Variants in ODAD2 observed in about 807,000 individuals in gnomAD.
The protein encoded by ODAD2 is outer dynein arm docking complex subunit 2, also known as outer dynein arm-docking complex subunit 2.
In ODAD2, 89 loss-of-function variants were observed where a neutral mutation model predicts 106.8. That is an observed-to-expected ratio of 0.83 (90% CI 0.70 to 0.99). ODAD2 has a LOEUF of 0.99. ODAD2 is among the 50% of genes least tolerant of loss of function. The pLI is 0.00. For synonymous variants in ODAD2, 404 were observed against 436.2 expected (o/e 0.93, Z 0.92); for missense variants, 1,168 against 1,238.5 (o/e 0.94, Z 0.85).
chr10:27,896,345 C>G (rs1251502320), intron 17 of ODAD2, among the ~76,000 whole-genome samples: 1 of 152,110 alleles, frequency 6.6e-6, no homozygotes, highest in East Asian at 1.9e-4. Context: ...AAATTCATAT[C>G]AAGGTATTAA....
At chr10:27,836,877 C>G (rs1837933299) in intron 19 of ODAD2, among the ~76,000 whole-genome samples, 2 of 152,084 alleles carry the variant, frequency 1.3e-5, no homozygotes, top group Admixed American at 1.3e-4. Context: ...ACACAGAGGA[C>G]TTATTTCATA....
chr10:27,814,136 A>T (rs1835946075), intron 19 of ODAD2, among the ~76,000 whole-genome samples: 1 of 152,150 alleles, frequency 6.6e-6, no homozygotes, highest in African/African-American at 2.4e-5. Flanking sequence ...AATGGAATTT[A>T]TTGGGCAAAA....
At chr10:27,949,188 G>C (rs1332957912) in intron 10 of ODAD2, among the ~76,000 whole-genome samples, 1 of 152,142 alleles carries the variant, frequency 6.6e-6, no homozygotes, top group Non-Finnish European at 1.5e-5. Flanking sequence ...TTCAACAAAT[G>C]TGTTGCATGC....
At chr10:27,993,130 G>A (rs926474822) in intron 2 of ODAD2, among the ~76,000 whole-genome samples, 1 of 152,044 alleles carries the variant, frequency 6.6e-6, no homozygotes, top group Non-Finnish European at 1.5e-5. Context: ...GGCCAGGCTG[G>A]TCTTGAACTC....
intron 17 of ODAD2, among the ~76,000 whole-genome samples, chr10:27,894,462 CTATGATATAAAGT>C (rs1336312252): frequency 5.3e-5 from 8 of 151,798 alleles, no homozygotes; most frequent in Admixed American, 6.6e-5. Flanking sequence ...ACTGATTAAC[CTATGATATAAAGT>C]TACTGATAAA....
intron 19 of ODAD2, among the ~76,000 whole-genome samples, chr10:27,828,701 A>G (rs1239083616): frequency 1.3e-5 from 2 of 152,256 alleles, no homozygotes; most frequent in African/African-American, 4.8e-5. Flanking sequence ...GATTATATAA[A>G]GAAGCTTTCC....
intron 2 of ODAD2, 25 bp from the exon 3 acceptor site, chr10:27,987,568 A>G (rs753177934): frequency 6.4e-7 from 1 of 1,573,126 alleles, no homozygotes; most frequent in East Asian, 2.3e-5. Flanking sequence ...TAAAAAATTG[A>G]AAGCTTCATG....
chr10:27,879,569 C>T (rs542948355), intron 17 of ODAD2, among the ~76,000 whole-genome samples: 2 of 151,788 alleles, frequency 1.3e-5, no homozygotes, highest in African/African-American at 2.4e-5. Context: ...GTGAGTTGTA[C>T]GGATTAGGCT....
chr10:27,871,719 C>T (rs1308037107), intron 17 of ODAD2, among the ~76,000 whole-genome samples: 1 of 152,130 alleles, frequency 6.6e-6, no homozygotes, highest in Non-Finnish European at 1.5e-5. Context: ...GTCTATATCT[C>T]TGTTTTGGTA....
intron 17 of ODAD2, among the ~76,000 whole-genome samples, chr10:27,874,022 T>G (rs1841122155): frequency 6.6e-6 from 1 of 152,238 alleles, no homozygotes; most frequent in Non-Finnish European, 1.5e-5. Context: ...AGGACTTGCT[T>G]TATGAATCTG....
chr10:27,828,068 T>C (rs1430908844), intron 19 of ODAD2, among the ~76,000 whole-genome samples: 1 of 152,142 alleles, frequency 6.6e-6, no homozygotes, highest in African/African-American at 2.4e-5. Context: ...AATGGGGATG[T>C]CAATATTATA....
At chr10:27,897,242 C>A (rs1401120851) in intron 17 of ODAD2, among the ~76,000 whole-genome samples, 1 of 152,076 alleles carries the variant, frequency 6.6e-6, no homozygotes, top group African/African-American at 2.4e-5. Flanking sequence ...TCCACCTACA[C>A]TCAGACCTCC....
intron 2 of ODAD2, among the ~76,000 whole-genome samples, chr10:27,994,101 G>A (rs1238690079): frequency 5.3e-5 from 8 of 151,594 alleles, no homozygotes; most frequent in African/African-American, 7.3e-5. Flanking sequence ...TAATTTATGC[G>A]TATGTGTGTG....
chr10:27,941,550 T>C lies in ODAD2; in HGVS notation c.1744-745A>G, dbSNP rs112530212. The stretch of plus-strand genomic sequence containing the variant: ...TTTGGAGGACATAGCCTGCCTCATG[T>C]GCTACTGAAACCAACCAAACCAAAC... On this transcript the variant is annotated intron_variant, in intron 12 of 19. Coordinates refer to ENST00000305242, the MANE Select transcript of ODAD2 (RefSeq NM_018076.5). Among the ~76,000 whole-genome samples, 712 of 148,056 alleles carry C rather than the reference T, an allele frequency of 4.8e-3. 4 individuals are homozygous for C. The highest frequency in any genetic ancestry group is 7.7e-3 in the Non-Finnish European group (519 of 67,292).
intron 9 of ODAD2, among the ~76,000 whole-genome samples, chr10:27,963,786 C>T (rs1848310637): frequency 1.4e-5 from 2 of 144,394 alleles, no homozygotes; most frequent in East Asian, 4.0e-4. Flanking sequence ...ATTTCATTAC[C>T]CTTTTTTGAA....
In ODAD2 at chr10:27,961,557, A is replaced by G. The variant is rs113221934; in HGVS notation, c.1386+11T>C. ...GAACATTGCAAACATACTACCATAG[A>G]CCTTTCTTACCTTTAAATATTTCAC... On this transcript the variant is annotated intron_variant, in intron 10 of 19. Coordinates refer to ENST00000305242, the MANE Select transcript of ODAD2 (RefSeq NM_018076.5). 173 of 1,608,450 alleles carry G rather than the reference A, an allele frequency of 1.1e-4. No individual in the cohort carries two copies. The African/African-American group carries it at 2.0e-3, about 19-fold the overall frequency.
chr10:27,980,866 C>T (rs1267548909), intron 7 of ODAD2, among the ~76,000 whole-genome samples: 2 of 152,118 alleles, frequency 1.3e-5, no homozygotes, highest in Non-Finnish European at 2.9e-5. Flanking sequence ...CAACAGATAC[C>T]TGTACACCAA....
intron 13 of ODAD2, 56 bp from the exon 14 acceptor site, chr10:27,940,063 T>C: frequency 8.3e-7 from 1 of 1,199,880 alleles, no homozygotes; most frequent in Non-Finnish European, 1.2e-6. Flanking sequence ...AAGTAACTGT[T>C]TACATTTATT....
Position 27,998,278 on chromosome 10 carries a change from C to CAGGG in ODAD2, c.-39+712_-39+715dup, listed in dbSNP as rs543610176. ...ATCGAACTTTTAGACATGACATGAA[C>CAGGG]AGGGCCCTAAGTAAAACCAAAGCTA... is the stretch of plus-strand genomic sequence containing the variant. On this transcript the variant is annotated intron_variant, in intron 1 of 19. Coordinates refer to ENST00000305242, the MANE Select transcript of ODAD2 (RefSeq NM_018076.5). 1.8e-4 allele frequency among the ~76,000 whole-genome samples: 27 copies of CAGGG among 152,266 alleles called. No homozygotes were observed. In the South Asian group the frequency reaches 2.3e-3, roughly 13 times the overall value.
Sources: gnomAD v4.1 joint callset for allele counts (sites outside exome capture counted in the v4.1 genomes callset) on GRCh38, gnomAD v4.1.1 for gene constraint, MANE v1.5 for transcripts, NCBI Gene and HGNC (gene_info 2026-07-23, HGNC 2026-07-21) for gene names.